The following NEFM variants were observed in gnomAD, a reference collection of about 807,000 sequenced individuals.
The protein encoded by NEFM is neurofilament medium polypeptide.
A neutral mutation model predicts 48.1 loss-of-function variants in NEFM; 16 were observed. That is an observed-to-expected ratio of 0.33 (90% CI 0.23 to 0.51). The LOEUF is 0.51. Among genes scored for constraint, NEFM ranks in the 20% least tolerant of loss-of-function variants. The probability of loss-of-function intolerance (pLI) is 0.98; values close to 1 mark genes in which losing one functional copy is unlikely to be tolerated. For synonymous variants in NEFM, 465 were observed against 456.9 expected (o/e 1.02, Z -0.23); for missense variants, 1,107 against 1,136.0 (o/e 0.97, Z 0.37).
chr8:24,915,546 G>A, intron 1 of NEFM, 59 bp from the exon 2 acceptor site: 1 of 1,610,652 alleles, frequency 6.2e-7, no homozygotes, highest in Non-Finnish European at 8.5e-7. Flanking sequence ...CAAGTGGTTT[G>A]CGAAGGAAGT....
chr8:24,917,720 T>C lies in NEFM; in HGVS notation c.1865T>C (p.Val622Ala), dbSNP rs1563243472. ...AAGTCTCCTGTGCCAAAATCACCAG[T>C]GGAAGAGAAAGGCAAGTCTCCTGTG... is the stretch of plus-strand genomic sequence containing the variant. ...KAKSPVPKSP[V>A]EEKGKSPVPK... The change falls in exon 3 of 3, where the codon GTG (valine) becomes GCG (alanine). Residue 622 changes from valine to alanine, a missense_variant. Around this residue, in one of 3 missense-constraint regions of NEFM, gnomAD observed 917 missense variants for 916.4 expected, o/e 1.00. Coordinates refer to ENST00000221166, the MANE Select transcript of NEFM (RefSeq NM_005382.2). The C allele has an allele frequency of 6.2e-7, 1 of 1,611,970 alleles. No homozygotes were observed. Among genetic ancestry groups the C allele is most frequent in the Non-Finnish European group, 8.5e-7 (1 of 1,179,708 alleles).
Position 24,917,628 on chromosome 8 carries a change from G to A in NEFM, c.1773G>A (p.Lys591=), listed in dbSNP as rs1802597131. 4 of 1,612,914 alleles carry A rather than the reference G, an allele frequency of 2.5e-6. No homozygotes were observed. The highest frequency in any genetic ancestry group is 2.5e-6 in the Non-Finnish European group (3 of 1,179,810). Residue 591 remains lysine (K), a synonymous_variant, in exon 3 of 3, where the codon AAG becomes AAA. Transcript: ENST00000221166. ...AAGAGGAAAAGAAAGTGGAGGAAAA[G>A]AGTGAGGAAGTGGCTACCAAGGAGG... is the stretch of plus-strand genomic sequence containing the variant. ...EAKEEKKVEE[K]SEEVATKEEL...
At position 24,914,507 on chromosome 8, in the gene NEFM, C is replaced by T. The variant is rs769445845; in HGVS notation, c.714C>T (p.His238=). 6.2e-6 allele frequency: 10 copies of T among 1,613,946 alleles called. No homozygotes were observed. In the East Asian group the frequency reaches 2.2e-4, roughly 36 times the overall value. The change falls in exon 1 of 3, where the codon CAC becomes CAT. Residue 238 remains histidine (H), a synonymous_variant. Transcript: ENST00000221166. ...QDEVAFLRSN[H]EEEVADLLAQ... ...AGGTGGCCTTCCTGCGGAGCAACCACGAGGAGGAGGTGGCCGACCTTCTGG... is the reference window on the plus strand; with the variant it reads ...AGGTGGCCTTCCTGCGGAGCAACCATGAGGAGGAGGTGGCCGACCTTCTGG...
Position 24,914,255 on chromosome 8 carries a change from C to T in NEFM, c.462C>T (p.Ile154=), listed in dbSNP as rs377550426. 6.2e-7 allele frequency: 1 copy of T among 1,611,022 alleles called. No individual in the cohort carries two copies. Among genetic ancestry groups the T allele is most frequent in the Non-Finnish European group, 8.5e-7 (1 of 1,178,916 alleles). Residue 154 remains isoleucine (I), a synonymous_variant, in exon 1 of 3, where the codon ATC becomes ATT. Coordinates refer to ENST00000221166, the MANE Select transcript of NEFM (RefSeq NM_005382.2). Reference sequence around the variant, plus strand: ...TGGGCGACGCGTACGACCAGGAGATCCGCGAGCTGCGCGCCACCCTGGAGA... The same window carrying T: ...TGGGCGACGCGTACGACCAGGAGATTCGCGAGCTGCGCGCCACCCTGGAGA... The part of the protein sequence containing the change: ...AQLGDAYDQE[I]RELRATLEMV...
Position 24,914,889 on chromosome 8 carries a change from G to A in NEFM, c.1080+16G>A. 1.9e-6 allele frequency: 3 copies of A among 1,571,838 alleles called. No individual in the cohort carries two copies. Among genetic ancestry groups the A allele is most frequent in the Non-Finnish European group, 8.6e-7 (1 of 1,162,808 alleles). On this transcript the variant is annotated intron_variant, in intron 1 of 2. Coordinates refer to ENST00000221166, the MANE Select transcript of NEFM (RefSeq NM_005382.2). ...CAGCTACCAGGTAGGAACCGCGGCT[G>A]CGCGGCCAGCCTGCGCCAGCGCCAG...
At position 24,918,447 on chromosome 8, in the gene NEFM, G is replaced by T; in HGVS notation, c.2592G>T (p.Glu864Asp). 6.2e-7 allele frequency: 1 copy of T among 1,614,096 alleles called. No homozygotes were observed. The highest frequency in any genetic ancestry group is 8.5e-7 in the Non-Finnish European group (1 of 1,179,972). Residue 864 changes from glutamate to aspartate, a missense_variant, in exon 3 of 3, where the codon GAG (glutamate) becomes GAT (aspartate). Transcript: ENST00000221166. ...AAACGGTAGAAAAAATCACCAGTGA[G>T]GGGGGAGATGGTGCTACCAAATACA... ...VTKTVEKITS[E>D]GGDGATKYIT... is the part of the protein sequence containing the mutation.
In NEFM at chr8:24,917,687, A is replaced by G; in HGVS notation, c.1832A>G (p.Glu611Gly). ...GCAGATGCCAAGGTGGAAAAGCCAGAAAAAGCCAAGTCTCCTGTGCCAAAA... is the reference window on the plus strand; with the variant it reads ...GCAGATGCCAAGGTGGAAAAGCCAGGAAAAGCCAAGTCTCCTGTGCCAAAA... ...LVADAKVEKP[E>G]KAKSPVPKSP... Residue 611 changes from glutamate (E) to glycine (G), a missense_variant, in exon 3 of 3, where the codon GAA becomes GGA. Coordinates refer to ENST00000221166, the MANE Select transcript of NEFM (RefSeq NM_005382.2). 2 of 1,613,570 alleles carry G rather than the reference A, an allele frequency of 1.2e-6. No individual in the cohort carries two copies. The highest frequency in any genetic ancestry group is 1.7e-6 in the Non-Finnish European group (2 of 1,180,018).
Position 24,913,778 on chromosome 8 carries a change from C to T in NEFM, c.-16C>T. 1 of 1,600,704 alleles carries T rather than the reference C, an allele frequency of 6.2e-7. No individual in the cohort carries two copies. Among genetic ancestry groups the T allele is most frequent in the Admixed American group, 1.7e-5 (1 of 58,378 alleles). On this transcript the variant is annotated 5_prime_UTR_variant, in exon 1 of 3. Coordinates refer to ENST00000221166, the MANE Select transcript of NEFM (RefSeq NM_005382.2). ...GGCAGAACGCTGTGACAGCCACACG[C>T]CCCAAGGCCTCCAAGATGAGCTACA...
At position 24,913,932 on chromosome 8, in the gene NEFM, A is replaced by C. The variant is rs2117218947; in HGVS notation, c.139A>C (p.Thr47Pro). ...SQSWSRGSPS[T>P]VSSSYKRSML... is the part of the protein sequence containing the mutation. ...GTCGTGGTCCCGCGGCTCGCCCAGC[A>C]CCGTGTCCTCCTCCTATAAGCGCAG... The change falls in exon 1 of 3, where the codon ACC becomes CCC. Residue 47 changes from threonine to proline, a missense_variant. Thr to Pro is a conservative substitution (Grantham distance 38). Around this residue, in one of 3 missense-constraint regions of NEFM, gnomAD observed 186 missense variants for 200.6 expected, o/e 0.93. Coordinates refer to ENST00000221166, the MANE Select transcript of NEFM (RefSeq NM_005382.2). The C allele has an allele frequency of 4.3e-6, 7 of 1,611,496 alleles. No individual in the cohort carries two copies. In the South Asian group the frequency reaches 6.6e-5, roughly 15 times the overall value.
intron 1 of NEFM, 96 bp from the exon 2 acceptor site, chr8:24,915,509 C>G (rs778489537): frequency 2.5e-6 from 4 of 1,569,162 alleles, no homozygotes; most frequent in Admixed American, 3.4e-5. Flanking sequence ...TGGAGGGAGA[C>G]GGGAGGAGGC....
intron 2 of NEFM, among the ~76,000 whole-genome samples, chr8:24,916,727 C>T (rs1229573523): frequency 6.6e-6 from 1 of 151,822 alleles, no homozygotes; most frequent in African/African-American, 2.4e-5. Flanking sequence ...GCTATTTGGC[C>T]ACTAACAAGT....
At position 24,918,749 on chromosome 8, in the gene NEFM, G is replaced by A; in HGVS notation, c.*143G>A. The A allele has an allele frequency of 1.4e-6, 1 of 713,332 alleles. No individual in the cohort carries two copies. Among genetic ancestry groups the A allele is most frequent in the Non-Finnish European group, 2.5e-6 (1 of 399,428 alleles). 44.2% of individuals were successfully genotyped at this position (713,332 alleles called of 1,614,324 possible). On this transcript the variant is annotated 3_prime_UTR_variant, in exon 3 of 3. Coordinates refer to ENST00000221166, the MANE Select transcript of NEFM (RefSeq NM_005382.2). Reference sequence around the variant, plus strand: ...TGCAATATGAGGGGACTGCATGCAAGCTCAGGGTGCTCCCTCCTCAGTCTT... The same window carrying A: ...TGCAATATGAGGGGACTGCATGCAAACTCAGGGTGCTCCCTCCTCAGTCTT...
In NEFM at chr8:24,913,787, C is replaced by T. The variant is rs755565246; in HGVS notation, c.-7C>T. On this transcript the variant is annotated 5_prime_UTR_variant, in exon 1 of 3. Transcript: ENST00000221166. ...CTGTGACAGCCACACGCCCCAAGGC[C>T]TCCAAGATGAGCTACACGTTGGACT... The T allele has an allele frequency of 3.1e-6, 5 of 1,605,062 alleles. No homozygotes were observed. Among genetic ancestry groups the T allele is most frequent in the South Asian group, 2.2e-5 (2 of 90,130 alleles).
In NEFM at chr8:24,917,067, C is replaced by G; in HGVS notation, c.1212C>G (p.Leu404=). The part of the protein sequence containing the change: ...LDIEIAAYRK[L]LEGEETRFST... Reference sequence around the variant, plus strand: ...TCTTGGATTTTCTCCTTAGAAAACTCCTGGAGGGTGAAGAGACTAGATTTA... The same window carrying G: ...TCTTGGATTTTCTCCTTAGAAAACTGCTGGAGGGTGAAGAGACTAGATTTA... The change falls in exon 3 of 3, where the codon CTC becomes CTG. Residue 404 remains leucine, a synonymous_variant. Coordinates refer to ENST00000221166, the MANE Select transcript of NEFM (RefSeq NM_005382.2). 1 of 1,614,076 alleles carries G rather than the reference C, an allele frequency of 6.2e-7. No individual in the cohort carries two copies. Among genetic ancestry groups the G allele is most frequent in the Non-Finnish European group, 8.5e-7 (1 of 1,179,996 alleles).
At position 24,917,463 on chromosome 8, in the gene NEFM, G is replaced by A. The variant is rs1190102417; in HGVS notation, c.1608G>A (p.Glu536=). The A allele has an allele frequency of 4.5e-6, 7 of 1,555,252 alleles. No homozygotes were observed. The South Asian group carries it at 5.9e-5, about 13-fold the overall frequency. The change falls in exon 3 of 3, where the codon GAG becomes GAA. Residue 536 remains glutamate, a synonymous_variant. Transcript: ENST00000221166. ...AGGAAGAAGAAGGCCAGGAAGAAGA[G>A]GAGGAAGAAGATGAGGGAGCTAAGT... The part of the protein sequence containing the change: ...EKEEEEGQEE[E]EEEDEGAKSD...
chr8:24,915,350 A>T, intron 1 of NEFM: 2 of 1,216,940 alleles, frequency 1.6e-6, no homozygotes, highest in Non-Finnish European at 2.2e-6. Context: ...GACGTGTTCT[A>T]AGTCCACTGG....
rs558884299 is a variant in NEFM at position 24,919,035 on chromosome 8, T to C, written c.*429T>C. 4.8e-6 allele frequency: 1 copy of C among 209,272 alleles called. No individual in the cohort carries two copies. Among genetic ancestry groups the C allele is most frequent in the South Asian group, 8.5e-5 (1 of 11,732 alleles). The allele number at this position is 209,272 out of a possible 1,614,324, so 13.0% of individuals were successfully genotyped here. A position where few individuals can be genotyped will look rare whatever the true frequency, so the allele number is the denominator to read the frequency against. ...GACATGCACAGTTTGCAATCTTATG[T>C]TGATCGATGTTAAACGTCACAGCAG... On this transcript the variant is annotated 3_prime_UTR_variant, in exon 3 of 3. Coordinates refer to ENST00000221166, the MANE Select transcript of NEFM (RefSeq NM_005382.2).
intron 2 of NEFM, among the ~76,000 whole-genome samples, chr8:24,916,546 T>A (rs1802575865): frequency 6.6e-6 from 1 of 152,222 alleles, no homozygotes; most frequent in South Asian, 2.1e-4. Context: ...GCTGAATAAC[T>A]ACATTAAATA....
intron 2 of NEFM, 23 bp downstream of exon 2, chr8:24,915,752 G>C (rs201942700): frequency 6.2e-7 from 1 of 1,613,894 alleles, no homozygotes; most frequent in Admixed American, 1.7e-5. Flanking sequence ...CTACGTGCGT[G>C]GCCGGAACAC....
Sources: gnomAD v4.1 joint callset for allele counts (sites outside exome capture counted in the v4.1 genomes callset) on GRCh38, gnomAD v4.1.1 for gene constraint, gnomAD v4.1.1 regional missense constraint, MANE v1.5 for transcripts, NCBI Gene and HGNC (gene_info 2026-07-23, HGNC 2026-07-21) for gene names.